Variants in ADAM22 observed in about 807,000 individuals in gnomAD.
ADAM22 encodes the protein disintegrin and metalloproteinase domain-containing protein 22.
ADAM22 carries 65 observed loss-of-function variants against 144.6 expected under a neutral mutation model. That is an observed-to-expected ratio of 0.45 (90% CI 0.37 to 0.55). The LOEUF is 0.55. Among genes scored for constraint, ADAM22 ranks in the 20% least tolerant of loss-of-function variants. The probability of loss-of-function intolerance (pLI) is 0.00; values close to 1 mark genes in which losing one functional copy is unlikely to be tolerated. For missense variants in ADAM22, 974 were observed against 1,184.9 expected (o/e 0.82, Z 2.61); for synonymous variants, 391 against 412.6 (o/e 0.95, Z 0.63).
chr7:88,091,814 A>G (rs1399708681), intron 4 of ADAM22, among the ~76,000 whole-genome samples: 4 of 152,176 alleles, frequency 2.6e-5, no homozygotes, highest in African/African-American at 9.7e-5. Context: ...TCTACAATTT[A>G]CCATTTGTAA....
intron 4 of ADAM22, among the ~76,000 whole-genome samples, chr7:88,083,724 A>T (rs1177422993): frequency 6.6e-6 from 1 of 151,640 alleles, no homozygotes; most frequent in Non-Finnish European, 1.5e-5. Context: ...ATTCATAATG[A>T]CTTAAAATCT....
At chr7:88,162,431 C>A (rs772824537) in intron 22 of ADAM22, among the ~76,000 whole-genome samples, 23 of 152,000 alleles carry the variant, frequency 1.5e-4, no homozygotes, top group Admixed American at 2.6e-4. Context: ...GACAAACCCT[C>A]ATGACATGAG....
intron 4 of ADAM22, 70 bp from the exon 5 acceptor site, chr7:88,108,106 C>T (rs893539208): frequency 5.5e-6 from 7 of 1,271,484 alleles, no homozygotes; most frequent in South Asian, 1.3e-5. Flanking sequence ...TGAGTAGAAA[C>T]CTCCTGTGAA....
In ADAM22 at chr7:87,975,704, A is replaced by C. The variant is rs143697847; in HGVS notation, c.247-2632A>C. ...ATACCTTGCCAAGAAGAATTTTAAC[A>C]TTACCTCAATCCAAGCTGTAATCAT... is the stretch of plus-strand genomic sequence containing the variant. On this transcript the variant is annotated intron_variant, in intron 2 of 31. Transcript: ENST00000413139. 2.9e-4 allele frequency among the ~76,000 whole-genome samples: 44 copies of C among 152,348 alleles called. 1 individual carries two copies. In the East Asian group the frequency reaches 7.9e-3, roughly 27 times the overall value.
Position 88,073,047 on chromosome 7 carries a change from T to A in ADAM22, c.324-2579T>A, listed in dbSNP as rs576788916. On this transcript the variant is annotated intron_variant, in intron 3 of 31. Transcript: ENST00000413139. ...TCAATTGGATGTACAACAGGTACTTTCTTCACCACTCTCCTTTCCAACAAT... is the reference window on the plus strand; with the variant it reads ...TCAATTGGATGTACAACAGGTACTTACTTCACCACTCTCCTTTCCAACAAT... 6.6e-5 allele frequency among the ~76,000 whole-genome samples: 10 copies of A among 152,338 alleles called. No individual in the cohort carries two copies. The East Asian group carries it at 1.4e-3, about 21-fold the overall frequency.
At chr7:88,134,300 T>A in intron 12 of ADAM22, 29 bp from the exon 13 acceptor site, 1 of 1,526,766 alleles carries the variant, frequency 6.5e-7, no homozygotes, top group Non-Finnish European at 9.0e-7. Flanking sequence ...TGGATTTACA[T>A]ATATTTTATT....
At chr7:88,084,130 G>A (rs1817755543) in intron 4 of ADAM22, among the ~76,000 whole-genome samples, 1 of 152,088 alleles carries the variant, frequency 6.6e-6, no homozygotes, top group Non-Finnish European at 1.5e-5. Flanking sequence ...AGCATGGAGG[G>A]TGGACCCAGC....
At chr7:88,068,474 T>G (rs1811869749) in intron 3 of ADAM22, among the ~76,000 whole-genome samples, 1 of 152,214 alleles carries the variant, frequency 6.6e-6, no homozygotes, top group Non-Finnish European at 1.5e-5. Context: ...TGAAGTCTTA[T>G]GATTCTTTTA....
At chr7:88,087,558 A>G (rs1356019714) in intron 4 of ADAM22, among the ~76,000 whole-genome samples, 1 of 151,714 alleles carries the variant, frequency 6.6e-6, no homozygotes, top group Non-Finnish European at 1.5e-5. Flanking sequence ...GGGGCAGGGA[A>G]CAGATTTTCT....
intron 6 of ADAM22, among the ~76,000 whole-genome samples, chr7:88,116,128 A>AT (rs1021004004): frequency 2.6e-5 from 4 of 151,838 alleles, no homozygotes; most frequent in South Asian, 2.1e-4. Flanking sequence ...TGACAGTATG[A>AT]TTTTTTTAAG....
chr7:88,127,396 A>T lies in ADAM22; in HGVS notation c.679-1206A>T, dbSNP rs531927785. 1.4e-3 allele frequency among the ~76,000 whole-genome samples: 213 copies of T among 151,858 alleles called. 1 individual carries two copies. Among genetic ancestry groups the T allele is most frequent in the Non-Finnish European group, 2.4e-3 (166 of 67,888 alleles). Reference sequence around the variant, plus strand: ...TCTTTGACATTAACAAAATGTTGGGATTTGTTGAAAAATTTGCTGTATTAA... The same window carrying T: ...TCTTTGACATTAACAAAATGTTGGGTTTTGTTGAAAAATTTGCTGTATTAA... On this transcript the variant is annotated intron_variant, in intron 8 of 31. Transcript: ENST00000413139.
intron 1 of ADAM22, 172 bp from the exon 2 acceptor site, chr7:87,934,854 C>T (rs748835811): frequency 1.1e-6 from 1 of 931,722 alleles, no homozygotes; most frequent in Non-Finnish European, 1.7e-6. Context: ...TGAGCTGGTC[C>T]AAGGCTCTCG....
intron 3 of ADAM22, among the ~76,000 whole-genome samples, chr7:88,054,604 GTGT>G (rs1807666033): frequency 2.0e-5 from 3 of 151,182 alleles, no homozygotes; most frequent in Admixed American, 2.0e-4. Context: ...GTGTGTGTGT[GTGT>G]GTGTGTGTGT....
chr7:87,934,671 T>G (rs1039006553), intron 1 of ADAM22, 121 bp downstream of exon 1: 1 of 1,029,366 alleles, frequency 9.7e-7, no homozygotes, highest in Non-Finnish European at 1.4e-6. Context: ...TTTTTTTTTT[T>G]TTTTTTTTTA....
chr7:88,035,010 G>T (rs868062155), intron 3 of ADAM22, among the ~76,000 whole-genome samples: 2 of 152,144 alleles, frequency 1.3e-5, no homozygotes, highest in Non-Finnish European at 2.9e-5. Context: ...TGGTTCTTAT[G>T]TAAGTGTTTT....
At chr7:88,108,632 G>A (rs1181491751) in intron 5 of ADAM22, among the ~76,000 whole-genome samples, 5 of 151,980 alleles carry the variant, frequency 3.3e-5, no homozygotes, top group African/African-American at 1.2e-4. Context: ...GGGAGGCTGA[G>A]GCAGGAGAAT....
chr7:88,090,393 A>G (rs1203837799), intron 4 of ADAM22, among the ~76,000 whole-genome samples: 1 of 152,184 alleles, frequency 6.6e-6, no homozygotes, highest in African/African-American at 2.4e-5. Flanking sequence ...TGCTAATCAG[A>G]ACCAAGTTAA....
chr7:87,955,323 T>C (rs1288553418), intron 2 of ADAM22, among the ~76,000 whole-genome samples: 5 of 151,874 alleles, frequency 3.3e-5, no homozygotes, highest in South Asian at 2.1e-4. Flanking sequence ...GTGTGGATGT[T>C]CTTTCTGTTT....
Position 88,149,007 on chromosome 7 carries a change from G to T in ADAM22, c.1516G>T (p.Ala506Ser), listed in dbSNP as rs936700519. 6.2e-7 allele frequency: 1 copy of T among 1,612,408 alleles called. No individual in the cohort carries two copies. Among genetic ancestry groups the T allele is most frequent in the Non-Finnish European group, 8.5e-7 (1 of 1,178,902 alleles). Residue 506 changes from alanine (A) to serine (S), a missense_variant, in exon 18 of 32, where the codon GCA becomes TCA. Coordinates refer to ENST00000413139, the MANE Select transcript of ADAM22 (RefSeq NM_001324418.2). ...FQPMGTVCRE[A>S]VNDCDIRETC... ...GCCTATGGGCACTGTGTGCCGAGAAGCAGTAAATGATTGTGATATTCGTGA... is the reference window on the plus strand; with the variant it reads ...GCCTATGGGCACTGTGTGCCGAGAATCAGTAAATGATTGTGATATTCGTGA...
Sources: allele counts gnomAD v4.1 joint callset (sites outside exome capture counted in the v4.1 genomes callset), GRCh38; gene constraint gnomAD v4.1.1; transcripts MANE v1.5; gene names NCBI Gene and HGNC (gene_info 2026-07-23, HGNC 2026-07-21).